FGF12: variants seen among roughly 807,000 people sequenced by gnomAD.
FGF12 encodes fibroblast growth factor 12B.
Under a neutral mutation model 23.6 loss-of-function variants are expected in FGF12, and 14 were observed. The observed-to-expected ratio is 0.59, with a 90% CI of 0.39 to 0.93. The LOEUF is 0.93. Among genes scored for constraint, FGF12 ranks in the 40% least tolerant of loss-of-function variants. The probability of loss-of-function intolerance (pLI) is 0.00; values close to 1 mark genes in which losing one functional copy is unlikely to be tolerated. For missense variants in FGF12, 175 were observed against 217.8 expected (o/e 0.80, Z 1.24); for synonymous variants, 62 against 77.3 (o/e 0.80, Z 1.04).
chr3:192,597,077 G>A (rs1190443220), intron 2 of FGF12, among the ~76,000 whole-genome samples: 2 of 152,094 alleles, frequency 1.3e-5, no homozygotes, highest in African/African-American at 2.4e-5. Context: ...TAAGGATTAC[G>A]CAAAAATATA....
chr3:192,268,625 G>T, intron 4 of FGF12: 1 of 423,352 alleles, frequency 2.4e-6, no homozygotes. Flanking sequence ...CCCCTGCATT[G>T]CTCCTGATTT....
chr3:192,659,111 A>G (rs1005542651), intron 2 of FGF12, among the ~76,000 whole-genome samples: 5 of 152,170 alleles, frequency 3.3e-5, no homozygotes, highest in African/African-American at 4.8e-5. Context: ...GGATAGGAAA[A>G]CATGAGCTCA....
At chr3:192,260,927 C>T (rs1250840571) in intron 4 of FGF12, among the ~76,000 whole-genome samples, 3 of 152,004 alleles carry the variant, frequency 2.0e-5, no homozygotes, top group Admixed American at 6.6e-5. Flanking sequence ...GGCACAACCC[C>T]CAGAAGTTGT....
At chr3:192,172,061 C>G (rs904595403) in intron 4 of FGF12, among the ~76,000 whole-genome samples, 14 of 151,832 alleles carry the variant, frequency 9.2e-5, no homozygotes, top group African/African-American at 3.4e-4. Flanking sequence ...TTGAATAGTT[C>G]CAACATTATA....
chr3:192,519,992 C>T (rs181090593), intron 2 of FGF12, among the ~76,000 whole-genome samples: 35 of 152,236 alleles, frequency 2.3e-4, no homozygotes, highest in African/African-American at 8.4e-4. Flanking sequence ...ATTTTGTCCC[C>T]TCTACCCTAG....
intron 2 of FGF12, among the ~76,000 whole-genome samples, chr3:192,446,121 T>C (rs747292064): frequency 6.6e-6 from 1 of 152,204 alleles, no homozygotes; most frequent in Admixed American, 6.5e-5. Flanking sequence ...TTCATGCCTG[T>C]CATTTGAAGT....
intron 2 of FGF12, among the ~76,000 whole-genome samples, chr3:192,447,270 T>G (rs1722381966): frequency 6.6e-6 from 1 of 152,126 alleles, no homozygotes; most frequent in Admixed American, 6.6e-5. Flanking sequence ...ACAGGGAATA[T>G]TTGTAGAAGG....
intron 2 of FGF12, among the ~76,000 whole-genome samples, chr3:192,386,162 T>C (rs1180635394): frequency 1.3e-5 from 2 of 152,216 alleles, no homozygotes; most frequent in African/African-American, 4.8e-5. Context: ...AGTCTTCTCT[T>C]TCTCTCTCCA....
At chr3:192,456,826 T>C (rs376368631) in intron 2 of FGF12, among the ~76,000 whole-genome samples, 1 of 152,182 alleles carries the variant, frequency 6.6e-6, no homozygotes, top group African/African-American at 2.4e-5. Context: ...ATGATTCCTA[T>C]ACACTCAAAA....
intron 2 of FGF12, among the ~76,000 whole-genome samples, chr3:192,410,309 C>T (rs1014968326): frequency 2.6e-5 from 4 of 151,994 alleles, no homozygotes; most frequent in Non-Finnish European, 5.9e-5. Context: ...TTCTGTCTCT[C>T]CCCTTTTCTC....
intron 2 of FGF12, among the ~76,000 whole-genome samples, chr3:192,640,755 T>TG (rs1206885974): frequency 6.6e-6 from 1 of 152,224 alleles, no homozygotes; most frequent in Non-Finnish European, 1.5e-5. Flanking sequence ...TTTTGGACTG[T>TG]AGCCCATTTT....
chr3:192,337,620 A>C (rs1416839541), intron 3 of FGF12, among the ~76,000 whole-genome samples: 1 of 152,184 alleles, frequency 6.6e-6, no homozygotes, highest in Non-Finnish European at 1.5e-5. Flanking sequence ...CCACTCAGTC[A>C]CTTGGCTTTG....
intron 2 of FGF12, among the ~76,000 whole-genome samples, chr3:192,421,661 G>A (rs770070883): frequency 1.3e-5 from 2 of 152,062 alleles, no homozygotes; most frequent in Non-Finnish European, 2.9e-5. Flanking sequence ...CACACATCAG[G>A]ACCTGTCAGG....
chr3:192,358,496 G>T (rs1022859730), intron 3 of FGF12, among the ~76,000 whole-genome samples: 1 of 151,932 alleles, frequency 6.6e-6, no homozygotes, highest in Non-Finnish European at 1.5e-5. Flanking sequence ...GTGTATGTGG[G>T]TTTGTGTGTG....
At chr3:192,318,777 T>C (rs773929297) in intron 4 of FGF12, among the ~76,000 whole-genome samples, 12 of 151,908 alleles carry the variant, frequency 7.9e-5, no homozygotes, top group Non-Finnish European at 1.2e-4. Context: ...AAAGATTATA[T>C]GAAGACATTT....
chr3:192,484,459 TC>T (rs1335969930), intron 2 of FGF12, among the ~76,000 whole-genome samples: 2 of 152,012 alleles, frequency 1.3e-5, no homozygotes, highest in Admixed American at 6.6e-5. Context: ...AGCTCGCATA[TC>T]CCCACAAAAA....
chr3:192,671,854 A>C (rs1717135765), intron 2 of FGF12, among the ~76,000 whole-genome samples: 1 of 152,104 alleles, frequency 6.6e-6, no homozygotes, highest in Non-Finnish European at 1.5e-5. Flanking sequence ...AAGAAATCTG[A>C]ATCCCATGGT....
chr3:192,434,299 TCAG>T (rs1721950446), intron 2 of FGF12, among the ~76,000 whole-genome samples: 1 of 152,164 alleles, frequency 6.6e-6, no homozygotes, highest in South Asian at 2.1e-4. Flanking sequence ...GTGAAGGACA[TCAG>T]CTTTTCCTTG....
At chr3:192,626,932 G>A (rs145865563) in intron 2 of FGF12, among the ~76,000 whole-genome samples, 193 of 152,282 alleles carry the variant, frequency 1.3e-3, no homozygotes, top group African/African-American at 4.5e-3. Flanking sequence ...TAAACAAAAA[G>A]TATCACATGC....
Sources: gnomAD v4.1 joint callset for allele counts (sites outside exome capture counted in the v4.1 genomes callset) on GRCh38, gnomAD v4.1.1 for gene constraint, MANE v1.5 for transcripts, NCBI Gene and HGNC (gene_info 2026-07-23, HGNC 2026-07-21) for gene names.